TTC7B: variants seen among roughly 807,000 people sequenced by gnomAD.
The protein encoded by TTC7B is tetratricopeptide repeat protein 7B.
In TTC7B, 28 loss-of-function variants were observed where a neutral mutation model predicts 106.8. The observed-to-expected ratio is 0.26, with a 90% CI of 0.19 to 0.36. The LOEUF (loss-of-function observed/expected upper bound fraction) is 0.36, where lower values mean the gene tolerates loss of function less well. Among genes scored for constraint, TTC7B ranks in the 10% least tolerant of loss-of-function variants. The probability of loss-of-function intolerance (pLI) is 1.00; values close to 1 mark genes in which losing one functional copy is unlikely to be tolerated. For synonymous variants in TTC7B, 405 were observed against 430.6 expected (o/e 0.94, Z 0.74); for missense variants, 862 against 1,076.4 (o/e 0.80, Z 2.79).
In TTC7B at chr14:90,541,453, G is replaced by C. The variant is rs148995908; in HGVS notation, c.2447C>G (p.Ala816Gly). The C allele has an allele frequency of 1.9e-5, 30 of 1,613,744 alleles. No individual in the cohort carries two copies. The highest frequency in any genetic ancestry group is 2.5e-5 in the Non-Finnish European group (30 of 1,179,958). Residue 816 changes from alanine (A) to glycine (G), a missense_variant, in exon 20 of 20, where the codon GCG becomes GGG. Physicochemically the swap from Ala to Gly is moderately conservative, Grantham distance 60. Transcript: ENST00000328459. ...EVLQAQGNDAAATECFLTALE... is the reference protein window; with the variant it reads ...EVLQAQGNDAGATECFLTALE... ...GGCTGTCAGGAAGCACTCCGTAGCCGCCGCATCGTTGCCCTGAGCTTGGAG... is the reference window on the plus strand; with the variant it reads ...GGCTGTCAGGAAGCACTCCGTAGCCCCCGCATCGTTGCCCTGAGCTTGGAG...
At chr14:90,710,732 G>C (rs1888413099) in intron 5 of TTC7B, among the ~76,000 whole-genome samples, 2 of 152,160 alleles carry the variant, frequency 1.3e-5, no homozygotes, top group Non-Finnish European at 2.9e-5. Flanking sequence ...TCAGACGACT[G>C]AGCATTTTTT....
At chr14:90,785,602 G>A (rs1487358189) in intron 2 of TTC7B, among the ~76,000 whole-genome samples, 1 of 152,158 alleles carries the variant, frequency 6.6e-6, no homozygotes, top group African/African-American at 2.4e-5. Context: ...AGAGGGAATG[G>A]AAACCTGGGT....
At chr14:90,553,166 G>A (rs1890159540) in intron 19 of TTC7B, among the ~76,000 whole-genome samples, 1 of 152,198 alleles carries the variant, frequency 6.6e-6, no homozygotes, top group Non-Finnish European at 1.5e-5. Flanking sequence ...AAGGGCTGCA[G>A]CACAGCCAGA....
At chr14:90,708,501 G>A (rs893848097) in intron 5 of TTC7B, among the ~76,000 whole-genome samples, 1 of 152,154 alleles carries the variant, frequency 6.6e-6, no homozygotes, top group Non-Finnish European at 1.5e-5. Flanking sequence ...CTCTGTAAAT[G>A]GAACAATAAA....
chr14:90,636,250 A>G (rs1884937504), intron 15 of TTC7B, among the ~76,000 whole-genome samples: 1 of 152,146 alleles, frequency 6.6e-6, no homozygotes, highest in African/African-American at 2.4e-5. Context: ...CTACACATAT[A>G]TATGTATGTG....
intron 19 of TTC7B, among the ~76,000 whole-genome samples, chr14:90,548,894 G>A (rs1212512571): frequency 2.6e-5 from 4 of 152,110 alleles, no homozygotes; most frequent in South Asian, 2.1e-4. Context: ...TTGGGAGGCC[G>A]AGGTGGGTGG....
chr14:90,767,047 A>C lies in TTC7B; in HGVS notation c.445+13691T>G, dbSNP rs931806452. The C allele has an allele frequency of 1.2e-5, 10 of 829,996 alleles. No individual in the cohort carries two copies. In the African/African-American group the frequency reaches 1.9e-4, roughly 16 times the overall value. The allele number at this position is 829,996 out of a possible 1,614,324, so 51.4% of individuals were successfully genotyped here. A position where few individuals can be genotyped will look rare whatever the true frequency, so the allele number is the denominator to read the frequency against. On this transcript the variant is annotated intron_variant, in intron 3 of 19. Coordinates refer to ENST00000328459, the MANE Select transcript of TTC7B (RefSeq NM_001010854.2). ...ATATACCAAAAAAAAAAAAAAAAAGAAAGAAAGGAAGAAAAGAAATTCTGG... is the reference window on the plus strand; with the variant it reads ...ATATACCAAAAAAAAAAAAAAAAAGCAAGAAAGGAAGAAAAGAAATTCTGG...
intron 1 of TTC7B, among the ~76,000 whole-genome samples, chr14:90,788,240 A>C (rs1286343): frequency 0.082 from 12,519 of 152,228 alleles, 546 homozygotes; most frequent in East Asian, 0.16. Flanking sequence ...TACAGAGTAC[A>C]CTGGGGTACA....
intron 5 of TTC7B, chr14:90,698,921 G>A (rs1040745194): frequency 6.5e-6 from 2 of 307,190 alleles, no homozygotes; most frequent in Non-Finnish European, 1.3e-5. Flanking sequence ...TTTTCATGGG[G>A]ACATAGTCTA....
intron 9 of TTC7B, among the ~76,000 whole-genome samples, chr14:90,666,086 A>C (rs1360912083): frequency 1.3e-5 from 2 of 152,232 alleles, no homozygotes; most frequent in African/African-American, 4.8e-5. Context: ...GGACCTCCCC[A>C]GGGCTGCACA....
intron 11 of TTC7B, among the ~76,000 whole-genome samples, chr14:90,656,411 C>A (rs1277503966): frequency 6.6e-6 from 1 of 152,132 alleles, no homozygotes; most frequent in African/African-American, 2.4e-5. Flanking sequence ...CTATTTTCTA[C>A]TCAAATGATG....
intron 19 of TTC7B, among the ~76,000 whole-genome samples, chr14:90,547,321 T>C (rs769481978): frequency 2.6e-5 from 4 of 152,274 alleles, no homozygotes; most frequent in Non-Finnish European, 5.9e-5. Flanking sequence ...AATTAGCATC[T>C]TCCTCGCTTT....
intron 5 of TTC7B, among the ~76,000 whole-genome samples, chr14:90,700,277 C>T (rs999019823): frequency 2.6e-4 from 39 of 152,204 alleles, no homozygotes; most frequent in African/African-American, 9.4e-4. Context: ...CCAGGCATTT[C>T]AGGGAAACTT....
chr14:90,786,446 T>C, intron 1 of TTC7B, 118 bp from the exon 2 acceptor site: 1 of 1,170,894 alleles, frequency 8.5e-7, no homozygotes. Flanking sequence ...AGCAAGGTCC[T>C]TCTGGAACTT....
chr14:90,657,465 C>T lies in TTC7B; in HGVS notation c.1237-187G>A. 7.4e-6 allele frequency: 4 copies of T among 537,306 alleles called. No homozygotes were observed. The highest frequency in any genetic ancestry group is 1.3e-5 in the Non-Finnish European group (4 of 302,348). The allele number at this position is 537,306 out of a possible 1,614,324, so 33.3% of individuals were successfully genotyped here. ...GCGGCTTCTGAGTGACTGGGGAGTA[C>T]ACTGGGTTAAAAGCCAGCAGGAATG... On this transcript the variant is annotated intron_variant, in intron 10 of 19. Transcript: ENST00000328459. This position sits in a 1 kb window ranked among gnomAD's most constrained non-coding sequence, Gnocchi z 4.2.
intron 17 of TTC7B, chr14:90,603,301 T>G (rs1252822198): frequency 5.4e-6 from 7 of 1,289,814 alleles, no homozygotes; most frequent in Non-Finnish European, 6.1e-6. Flanking sequence ...TCTGGAGAGT[T>G]GCCTTGGAAC....
At chr14:90,682,382 C>T (rs1442090665) in intron 7 of TTC7B, among the ~76,000 whole-genome samples, 3 of 152,206 alleles carry the variant, frequency 2.0e-5, no homozygotes, top group African/African-American at 7.2e-5. Flanking sequence ...TACTCAGGAG[C>T]ACTGCAAAGC....
chr14:90,713,956 G>A (rs985377964), intron 5 of TTC7B, among the ~76,000 whole-genome samples: 8 of 152,132 alleles, frequency 5.3e-5, no homozygotes, highest in Non-Finnish European at 8.8e-5. Context: ...GGCCGGGTGC[G>A]GTGGCTCACG....
chr14:90,565,526 C>T (rs936545336), intron 19 of TTC7B, among the ~76,000 whole-genome samples: 5 of 151,864 alleles, frequency 3.3e-5, no homozygotes, highest in East Asian at 1.9e-4. Context: ...CTCTGCCTCC[C>T]GAGTAGCTGG....
Sources: allele counts gnomAD v4.1 joint callset (sites outside exome capture counted in the v4.1 genomes callset), GRCh38; gene constraint gnomAD v4.1.1; non-coding constraint Gnocchi (gnomAD v3.1); transcripts MANE v1.5; gene names NCBI Gene and HGNC (gene_info 2026-07-23, HGNC 2026-07-21).